ITPR2: variants seen among roughly 807,000 people sequenced by gnomAD.
The protein encoded by ITPR2 is inositol 1,4,5-trisphosphate-gated calcium channel ITPR2.
ITPR2 carries 207 observed loss-of-function variants against 317.1 expected under a neutral mutation model. The observed-to-expected ratio is 0.65, with a 90% CI of 0.58 to 0.73. ITPR2 has a LOEUF of 0.73. Among genes scored for constraint, ITPR2 ranks in the 30% least tolerant of loss-of-function variants. ITPR2 has a pLI of 0.00. For synonymous variants in ITPR2, 1,156 were observed against 1,149.1 expected (o/e 1.01, Z -0.12); for missense variants, 2,613 against 3,284.0 (o/e 0.80, Z 4.99).
chr12:26,605,126 A>AAAAAAAAAAAATATATATATATATAT (rs1555165395), intron 26 of ITPR2, among the ~76,000 whole-genome samples: 41 of 136,310 alleles, frequency 3.0e-4, no homozygotes, highest in South Asian at 4.7e-4. Flanking sequence ...AAAAAATAAA[A>AAAAAAAAAAAATATATATATATATAT]ATATATATAT....
chr12:26,814,404 C>T (rs1055521755), intron 1 of ITPR2, among the ~76,000 whole-genome samples: 2 of 152,044 alleles, frequency 1.3e-5, no homozygotes, highest in Non-Finnish European at 2.9e-5. Context: ...TCTTCAGTTA[C>T]ACCAGTTCTG....
intron 9 of ITPR2, among the ~76,000 whole-genome samples, chr12:26,707,620 C>G (rs970703191): frequency 3.3e-5 from 5 of 152,336 alleles, no homozygotes; most frequent in Admixed American, 2.6e-4. Flanking sequence ...CAACCTCCAC[C>G]TCCCAGGTTC....
At chr12:26,363,888 T>C (rs1938922444) in intron 55 of ITPR2, among the ~76,000 whole-genome samples, 1 of 152,224 alleles carries the variant, frequency 6.6e-6, no homozygotes. Flanking sequence ...GACACCTTTA[T>C]GTATAAAATG....
chr12:26,806,302 T>TTACA (rs1421973068), intron 1 of ITPR2, among the ~76,000 whole-genome samples: 1 of 152,018 alleles, frequency 6.6e-6, no homozygotes, highest in Non-Finnish European at 1.5e-5. Flanking sequence ...ATTCACTTAC[T>TTACA]GAGTTCAGTA....
At chr12:26,735,542 T>C (rs760327391) in intron 2 of ITPR2, among the ~76,000 whole-genome samples, 13 of 152,116 alleles carry the variant, frequency 8.5e-5, no homozygotes, top group Non-Finnish European at 1.8e-4. Flanking sequence ...CATTGCAAAG[T>C]AGCAAGTATT....
chr12:26,768,587 A>AAC (rs1949781345), intron 2 of ITPR2, among the ~76,000 whole-genome samples: 1 of 132,780 alleles, frequency 7.5e-6, no homozygotes. Context: ...AAAAAAAAAA[A>AAC]AAAAAAAAAA....
chr12:26,501,709 A>G (rs1943077046), intron 37 of ITPR2, among the ~76,000 whole-genome samples: 1 of 152,204 alleles, frequency 6.6e-6, no homozygotes, highest in Admixed American at 6.5e-5. Context: ...CATTCACCAT[A>G]ATGGCAACCT....
intron 42 of ITPR2, among the ~76,000 whole-genome samples, chr12:26,483,304 T>A (rs1358329974): frequency 6.6e-6 from 1 of 152,192 alleles, no homozygotes; most frequent in Non-Finnish European, 1.5e-5. Flanking sequence ...AAACTAGAAA[T>A]AATGATACCT....
chr12:26,781,611 A>G (rs1016450459), intron 2 of ITPR2, among the ~76,000 whole-genome samples: 1 of 152,118 alleles, frequency 6.6e-6, no homozygotes, highest in Non-Finnish European at 1.5e-5. Context: ...TTATGGGTTC[A>G]AGTTGACAAG....
At chr12:26,590,897 T>C (rs1345280029) in intron 32 of ITPR2, among the ~76,000 whole-genome samples, 10 of 151,926 alleles carry the variant, frequency 6.6e-5, no homozygotes, top group African/African-American at 1.7e-4. Context: ...CTGGCCAACA[T>C]GGTGAAACCC....
chr12:26,714,751 C>T (rs1377166721), intron 8 of ITPR2, among the ~76,000 whole-genome samples: 1 of 152,080 alleles, frequency 6.6e-6, no homozygotes. Flanking sequence ...AGGAAAAATC[C>T]ATAGATTACA....
chr12:26,463,465 G>A (rs1942092256), intron 45 of ITPR2, among the ~76,000 whole-genome samples: 1 of 152,050 alleles, frequency 6.6e-6, no homozygotes, highest in Non-Finnish European at 1.5e-5. Flanking sequence ...TCAAGAGTTT[G>A]AGACCAGCCT....
chr12:26,653,898 C>T lies in ITPR2; in HGVS notation c.2740+78G>A, dbSNP rs190749416. The T allele has an allele frequency of 2.2e-5, 26 of 1,191,676 alleles. No individual in the cohort carries two copies. In the African/African-American group the frequency reaches 3.3e-4, roughly 15 times the overall value. The allele number at this position is 1,191,676 out of a possible 1,614,324, so 73.8% of individuals were successfully genotyped here. A position where few individuals can be genotyped will look rare whatever the true frequency, so the allele number is the denominator to read the frequency against. On this transcript the variant is annotated intron_variant, in intron 21 of 56. Coordinates refer to ENST00000381340, the MANE Select transcript of ITPR2 (RefSeq NM_002223.4). ...TATATTAGCAGGTACACAATAGCAA[C>T]CCCTTCTCTGTAGTTTTGTTTTTTA... is the stretch of plus-strand genomic sequence containing the variant.
intron 55 of ITPR2, among the ~76,000 whole-genome samples, chr12:26,353,010 C>G (rs1286434073): frequency 1.3e-5 from 2 of 152,216 alleles, no homozygotes; most frequent in Non-Finnish European, 2.9e-5. Flanking sequence ...CACCACTGAA[C>G]AATGTCCCTT....
At chr12:26,605,126 A>AATATATATATATATATATATAT (rs71069256) in intron 26 of ITPR2, among the ~76,000 whole-genome samples, 3 of 136,304 alleles carry the variant, frequency 2.2e-5, no homozygotes, top group Non-Finnish European at 3.2e-5. Flanking sequence ...AAAAAATAAA[A>AATATATATATATATATATATAT]ATATATATAT....
chr12:26,678,740 A>G (rs2136955368), intron 13 of ITPR2, among the ~76,000 whole-genome samples: 1 of 152,320 alleles, frequency 6.6e-6, no homozygotes, highest in Non-Finnish European at 1.5e-5. Context: ...ACTCCAAAAC[A>G]GCAGGGAAAG....
intron 1 of ITPR2, among the ~76,000 whole-genome samples, chr12:26,794,253 A>G (rs1327754097): frequency 6.6e-6 from 1 of 152,218 alleles, no homozygotes; most frequent in East Asian, 1.9e-4. Context: ...AGTCTTAAAA[A>G]TTCTGTGAGA....
At chr12:26,642,993 G>A (rs1255832233) in intron 21 of ITPR2, among the ~76,000 whole-genome samples, 1 of 152,172 alleles carries the variant, frequency 6.6e-6, no homozygotes, top group Non-Finnish European at 1.5e-5. Flanking sequence ...CAAGGTGATG[G>A]TGTTAGAAGT....
At chr12:26,361,672 A>T (rs1030349030) in intron 55 of ITPR2, among the ~76,000 whole-genome samples, 5 of 152,248 alleles carry the variant, frequency 3.3e-5, no homozygotes, top group Admixed American at 6.5e-5. Context: ...TTTCCAAAGG[A>T]TTCTCTCCTA....
Sources: allele counts gnomAD v4.1 joint callset (sites outside exome capture counted in the v4.1 genomes callset), GRCh38; gene constraint gnomAD v4.1.1; transcripts MANE v1.5; gene names NCBI Gene and HGNC (gene_info 2026-07-23, HGNC 2026-07-21).